NYAP2: variants seen among roughly 807,000 people sequenced by gnomAD.
NYAP2 encodes the protein neuronal tyrosine-phosphorylated phosphoinositide-3-kinase adaptor 2, also known as neuronal tyrosine-phosphorylated phosphoinositide-3-kinase adapter 2.
Under a neutral mutation model 50.4 loss-of-function variants are expected in NYAP2, and 23 were observed. The ratio of observed to expected loss-of-function variants is 0.46; its 90% CI spans 0.33 to 0.65. NYAP2 has a LOEUF of 0.65. Among genes scored for constraint, NYAP2 ranks in the 30% least tolerant of loss-of-function variants. The probability of loss-of-function intolerance (pLI) is 0.02; values close to 1 mark genes in which losing one functional copy is unlikely to be tolerated. For missense variants in NYAP2, 885 were observed against 861.0 expected (o/e 1.03, Z -0.35); for synonymous variants, 394 against 365.2 (o/e 1.08, Z -0.90).
chr2:225,548,977 G>A (rs1207652396), intron 4 of NYAP2, among the ~76,000 whole-genome samples: 1 of 151,438 alleles, frequency 6.6e-6, no homozygotes, highest in Non-Finnish European at 1.5e-5. Flanking sequence ...TACCTCCTGG[G>A]TCAAGCGATC....
rs539739084 is a variant in NYAP2, at chr2:225,602,448, C to T, written c.1618+19413C>T. ...CAGGCTTTTTCTTATCTGGGGCCTGCAGTTTGACTTTGAGGCTGTTCTTTG... is the reference window on the plus strand; with the variant it reads ...CAGGCTTTTTCTTATCTGGGGCCTGTAGTTTGACTTTGAGGCTGTTCTTTG... On this transcript the variant is annotated intron_variant, in intron 5 of 6. Coordinates refer to ENST00000636099, the Ensembl canonical transcript of NYAP2. 2.0e-5 allele frequency among the ~76,000 whole-genome samples: 3 copies of T among 152,268 alleles called. No homozygotes were observed. The East Asian group carries it at 5.8e-4, about 29-fold the overall frequency.
At chr2:225,505,008 G>GA (rs11372243) in intron 3 of NYAP2, among the ~76,000 whole-genome samples, 3,014 of 142,850 alleles carry the variant, frequency 0.021, 99 homozygotes, top group African/African-American at 0.069. Context: ...ACTGCGTCTC[G>GA]AAAAAAAAAA....
intron 4 of NYAP2, among the ~76,000 whole-genome samples, chr2:225,556,851 G>A (rs1443238640): frequency 6.6e-6 from 1 of 152,136 alleles, no homozygotes. Flanking sequence ...GATTATAACA[G>A]TGTGCTGTTA....
intron 2 of NYAP2, among the ~76,000 whole-genome samples, chr2:225,405,238 T>TA (rs1269020111): frequency 1.3e-5 from 2 of 151,970 alleles, no homozygotes; most frequent in Non-Finnish European, 2.9e-5. Context: ...TTGTCACAAA[T>TA]ACCTCATGCA....
intron 5 of NYAP2, among the ~76,000 whole-genome samples, chr2:225,601,935 C>T (rs1357130817): frequency 6.6e-6 from 1 of 152,148 alleles, no homozygotes; most frequent in East Asian, 1.9e-4. Flanking sequence ...TTGTTATATT[C>T]AAGAAGTTAT....
At chr2:225,515,513 C>T (rs966599124) in intron 4 of NYAP2, among the ~76,000 whole-genome samples, 5 of 151,922 alleles carry the variant, frequency 3.3e-5, no homozygotes, top group Admixed American at 2.6e-4. Flanking sequence ...TTCCTCTGCC[C>T]TCTTAGAGTA....
At position 225,626,910 on chromosome 2, in the gene NYAP2, T is replaced by C; in HGVS notation, c.1619-7T>C. 1 of 1,559,504 alleles carries C rather than the reference T, an allele frequency of 6.4e-7. No individual in the cohort carries two copies. The highest frequency in any genetic ancestry group is 8.7e-7 in the Non-Finnish European group (1 of 1,150,024). ...TTTAACAGAATGTAATTCTGGTTAC[T>C]ACACAGAATCAACAGAGGAACTGAA... On this transcript the variant is annotated splice_polypyrimidine_tract_variant and splice_region_variant and intron_variant, in intron 5 of 6. Coordinates refer to ENST00000636099, the Ensembl canonical transcript of NYAP2.
intron 4 of NYAP2, among the ~76,000 whole-genome samples, chr2:225,528,353 CTTCCCTATTT>C (rs1691191425): frequency 6.6e-6 from 1 of 152,118 alleles, no homozygotes; most frequent in Non-Finnish European, 1.5e-5. Context: ...ATATAATTCC[CTTCCCTATTT>C]TTCTCTTTGT....
At chr2:225,424,821 G>A (rs1312976321) in intron 3 of NYAP2, among the ~76,000 whole-genome samples, 1 of 152,040 alleles carries the variant, frequency 6.6e-6, no homozygotes, top group African/African-American at 2.4e-5. Context: ...ATGTTAGCCC[G>A]TTCACTAAAC....
At chr2:225,425,797 T>A (rs2106129935) in intron 3 of NYAP2, among the ~76,000 whole-genome samples, 1 of 152,334 alleles carries the variant, frequency 6.6e-6, no homozygotes, top group East Asian at 1.9e-4. Context: ...GCAGGCACAT[T>A]AATGAAGAGT....
chr2:225,685,261 T>C, the NYAP2 span, among the ~76,000 whole-genome samples: 1 of 152,202 alleles, frequency 6.6e-6, no homozygotes, highest in African/African-American at 2.4e-5. Context: ...CATTTATCTG[T>C]GGTCAAGCCC....
chr2:225,444,625 A>G (rs761098048), intron 3 of NYAP2, among the ~76,000 whole-genome samples: 25 of 152,186 alleles, frequency 1.6e-4, no homozygotes, highest in Non-Finnish European at 8.8e-5. Context: ...ATGATTCTTT[A>G]TTTTGATAAT....
At chr2:225,570,747 C>T (rs1017773102) in intron 4 of NYAP2, among the ~76,000 whole-genome samples, 1 of 152,126 alleles carries the variant, frequency 6.6e-6, no homozygotes, top group African/African-American at 2.4e-5. Flanking sequence ...CTGGCCCCTC[C>T]CAAATCTCAT....
At chr2:225,428,677 T>C (rs1695321159) in intron 3 of NYAP2, among the ~76,000 whole-genome samples, 1 of 152,212 alleles carries the variant, frequency 6.6e-6, no homozygotes, top group Non-Finnish European at 1.5e-5. Context: ...CTAGGCCAAT[T>C]CTTTGGAAGA....
chr2:225,514,740 C>T (rs1690896100), intron 4 of NYAP2, among the ~76,000 whole-genome samples: 1 of 152,140 alleles, frequency 6.6e-6, no homozygotes, highest in South Asian at 2.1e-4. Context: ...GTGGAAAACA[C>T]TTCAAGGTTC....
the NYAP2 span, among the ~76,000 whole-genome samples, chr2:225,679,450 A>G: frequency 6.7e-6 from 1 of 149,408 alleles, no homozygotes; most frequent in Non-Finnish European, 1.5e-5. Flanking sequence ...TATTGCAAAC[A>G]TGTTGGTAAT....
intron 3 of NYAP2, among the ~76,000 whole-genome samples, chr2:225,494,721 G>A (rs746973864): frequency 6.6e-6 from 1 of 152,130 alleles, no homozygotes; most frequent in South Asian, 2.1e-4. Context: ...CTATGGAAAG[G>A]TTATTTACTT....
intron 3 of NYAP2, among the ~76,000 whole-genome samples, chr2:225,413,323 T>C (rs1379815827): frequency 1.3e-5 from 2 of 151,884 alleles, no homozygotes; most frequent in African/African-American, 4.8e-5. Context: ...AATAAACAAA[T>C]AAAAAATAGG....
chr2:225,683,016 C>A, the NYAP2 span, among the ~76,000 whole-genome samples: 1 of 152,070 alleles, frequency 6.6e-6, no homozygotes, highest in Non-Finnish European at 1.5e-5. Context: ...CATTTCCCCC[C>A]CCCATTCTGT....
Sources: allele counts gnomAD v4.1 joint callset (sites outside exome capture counted in the v4.1 genomes callset), GRCh38; gene constraint gnomAD v4.1.1; transcripts MANE v1.5; gene names NCBI Gene and HGNC (gene_info 2026-07-23, HGNC 2026-07-21).